TMEM209: variants seen among roughly 807,000 people sequenced by gnomAD.
TMEM209 encodes testicular tissue protein Li 202.
Under a neutral mutation model 76.2 loss-of-function variants are expected in TMEM209, and 65 were observed. The ratio of observed to expected loss-of-function variants is 0.85; its 90% CI spans 0.70 to 1.05. The LOEUF is 1.05. TMEM209 is among the 50% of genes least tolerant of loss of function. The pLI, the probability that TMEM209 is intolerant of heterozygous loss-of-function variation, is 0.00. For synonymous variants in TMEM209, 239 were observed against 237.6 expected, an observed-to-expected ratio of 1.01 and a Z score of -0.06; for missense variants, 623 against 685.5, an observed-to-expected ratio of 0.91 and a Z score of 1.02.
intron 3 of TMEM209, 85 bp downstream of exon 3, chr7:130,203,703 T>C: frequency 1.7e-6 from 2 of 1,189,344 alleles, no homozygotes; most frequent in Non-Finnish European, 2.4e-6. Flanking sequence ...ACTTGTTGAA[T>C]AAGGAAATGT....
At chr7:130,170,821 G>C (rs981635487) in intron 13 of TMEM209, among the ~76,000 whole-genome samples, 1 of 151,762 alleles carries the variant, frequency 6.6e-6, no homozygotes. Context: ...ATGCCTCCCT[G>C]AGGGAAAGAT....
In TMEM209 at chr7:130,181,720, C is replaced by T. The variant is rs1228312977; in HGVS notation, c.1024-1G>A. On this transcript the variant is annotated splice_acceptor_variant, in intron 8 of 14. Transcript: ENST00000397622. LOFTEE classifies it high-confidence loss of function. ...GCACTAATATTGTCTCATTGATCCA[C>T]TAGAAGAAATAAGGTACAGATTTTG... 2 of 1,602,740 alleles carry T rather than the reference C, an allele frequency of 1.2e-6. No individual in the cohort carries two copies. The highest frequency in any genetic ancestry group is 1.7e-6 in the Non-Finnish European group (2 of 1,174,136).
rs1396988629 is a variant in TMEM209, at chr7:130,164,714, G to T, written c.*1737C>A. 1 of 152,062 alleles carries T rather than the reference G, an allele frequency of 6.6e-6. No individual in the cohort carries two copies. Among genetic ancestry groups the T allele is most frequent in the Non-Finnish European group, 1.5e-5 (1 of 67,986 alleles). 9.4% of individuals were successfully genotyped at this position (152,062 alleles called of 1,614,324 possible). On this transcript the variant is annotated 3_prime_UTR_variant, in exon 15 of 15. Transcript: ENST00000397622. ...AAGAAAAAAAGACATTTCATCTTAT[G>T]CATTGTTAAAATGTTTCTCCATGGT...
chr7:130,205,097 T>G, intron 1 of TMEM209: 1 of 1,410,058 alleles, frequency 7.1e-7, no homozygotes, highest in East Asian at 2.6e-5. Flanking sequence ...CAAAACTTGT[T>G]CCAGCGACAA....
At chr7:130,194,547 A>G in intron 5 of TMEM209, among the ~76,000 whole-genome samples, 1 of 152,336 alleles carries the variant, frequency 6.6e-6, no homozygotes, top group African/African-American at 2.4e-5. Flanking sequence ...TATTTTATGT[A>G]TTTTAAAATC....
In TMEM209 at chr7:130,170,460, A is replaced by G; in HGVS notation, c.1571T>C (p.Met524Thr). The G allele has an allele frequency of 3.1e-6, 5 of 1,612,256 alleles. No homozygotes were observed. Among genetic ancestry groups the G allele is most frequent in the Non-Finnish European group, 4.2e-6 (5 of 1,179,464 alleles). ...VYNLPKGRNN[M>T]FHTLLMFLYI... ...GAGAAACATCAACAATGTATGAAAC[A>G]TATTATTTCTGCCCTGGAACAAAGA... is the stretch of plus-strand genomic sequence containing the variant. Residue 524 changes from methionine (M) to threonine (T), a missense_variant, in exon 14 of 15, where the codon ATG (methionine) becomes ACG (threonine). By Grantham distance (81) the Met-to-Thr change is moderately conservative. Coordinates refer to ENST00000397622, the MANE Select transcript of TMEM209 (RefSeq NM_032842.4).
chr7:130,185,676 A>C (rs1314142450), intron 6 of TMEM209, among the ~76,000 whole-genome samples: 1 of 152,244 alleles, frequency 6.6e-6, no homozygotes. Flanking sequence ...TTAGTAAGAA[A>C]CAAACAAAAG....
Position 130,175,661 on chromosome 7 carries a change from A to AG in TMEM209, c.1247-53dup, listed in dbSNP as rs1797211452. Reference sequence around the variant, plus strand: ...AAGCTAAGAGTATGCAAAAAAGAAAAGAAAAAAAAAGCTAAGGGAATATAA... The same window carrying AG: ...AAGCTAAGAGTATGCAAAAAAGAAAAGGAAAAAAAAAGCTAAGGGAATATAA... On this transcript the variant is annotated intron_variant, in intron 10 of 14. Transcript: ENST00000397622. The AG allele has an allele frequency of 8.5e-6, 12 of 1,410,838 alleles. No individual in the cohort carries two copies. In the South Asian group the frequency reaches 1.6e-4, roughly 19 times the overall value. The allele number at this position is 1,410,838 out of a possible 1,614,324, so 87.4% of individuals were successfully genotyped here.
At chr7:130,199,059 A>C (rs763626055) in intron 5 of TMEM209, among the ~76,000 whole-genome samples, 4 of 152,172 alleles carry the variant, frequency 2.6e-5, no homozygotes, top group Non-Finnish European at 5.9e-5. Flanking sequence ...GTATTATTCA[A>C]TATACAGGGA....
chr7:130,197,836 T>G (rs556358748), intron 5 of TMEM209, among the ~76,000 whole-genome samples: 162 of 152,368 alleles, frequency 1.1e-3, no homozygotes, highest in Non-Finnish European at 1.8e-3. Context: ...TTGACAGATT[T>G]GTCTATTTTA....
chr7:130,202,731 C>T, intron 3 of TMEM209, 68 bp from the exon 4 acceptor site: 2 of 1,502,944 alleles, frequency 1.3e-6, no homozygotes, highest in East Asian at 2.3e-5. Flanking sequence ...CACAAAAACC[C>T]TCTATACTTA....
At chr7:130,186,977 TCA>T (rs1356204513) in intron 6 of TMEM209, among the ~76,000 whole-genome samples, 1 of 152,328 alleles carries the variant, frequency 6.6e-6, no homozygotes, top group African/African-American at 2.4e-5. Flanking sequence ...GCGCGGTGGC[TCA>T]CGCCTGTAAT....
At chr7:130,194,239 C>G (rs1229206997) in intron 5 of TMEM209, among the ~76,000 whole-genome samples, 3 of 149,604 alleles carry the variant, frequency 2.0e-5, no homozygotes, top group East Asian at 2.0e-4. Context: ...AGGGGGTATA[C>G]TGATCATGGG....
chr7:130,192,128 A>AT (rs1200701644), intron 6 of TMEM209: 1 of 163,984 alleles, frequency 6.1e-6, no homozygotes, highest in African/African-American at 2.4e-5. Context: ...CCCCAAACAG[A>AT]TTAAGATTTG....
intron 5 of TMEM209, chr7:130,199,809 T>C (rs1798123956): frequency 1.3e-5 from 2 of 152,286 alleles, no homozygotes; most frequent in South Asian, 4.1e-4. Flanking sequence ...AAAAATGCAA[T>C]AGTATTTAAC....
chr7:130,168,591 G>C (rs1434900291), intron 14 of TMEM209, among the ~76,000 whole-genome samples: 1 of 152,148 alleles, frequency 6.6e-6, no homozygotes, highest in East Asian at 1.9e-4. Flanking sequence ...TGACATGGGA[G>C]AATGTCCAAG....
chr7:130,192,899 A>G, intron 5 of TMEM209, 76 bp from the exon 6 acceptor site: 1 of 1,427,652 alleles, frequency 7.0e-7, no homozygotes, highest in East Asian at 2.5e-5. Context: ...GACTTAAGTA[A>G]AACACCTAGT....
chr7:130,180,246 C>G (rs11983937), intron 9 of TMEM209, among the ~76,000 whole-genome samples: 15,013 of 152,080 alleles, frequency 0.099, 777 homozygotes, highest in Middle Eastern at 0.14. Context: ...ATGCTTTATA[C>G]AACTTTGTGA....
chr7:130,205,057 T>C (rs1463531109), intron 1 of TMEM209: 2 of 1,325,468 alleles, frequency 1.5e-6, no homozygotes, highest in Non-Finnish European at 1.9e-6. Context: ...TCCTCCTTTC[T>C]TCAGCTAGGC....
Sources: allele counts gnomAD v4.1 joint callset (sites outside exome capture counted in the v4.1 genomes callset), GRCh38; gene constraint gnomAD v4.1.1; transcripts MANE v1.5; gene names NCBI Gene and HGNC (gene_info 2026-07-23, HGNC 2026-07-21).